Variants in STAP1 observed in about 807,000 individuals in gnomAD.
STAP1 encodes signal transducing adaptor family member 1, also known as signal-transducing adaptor protein 1.
Under a neutral mutation model 37.8 loss-of-function variants are expected in STAP1, and 30 were observed. That is an observed-to-expected ratio of 0.79 (90% CI 0.59 to 1.08). STAP1 has a LOEUF of 1.08. STAP1 is among the 50% of genes least tolerant of loss of function. The pLI, the probability that STAP1 is intolerant of heterozygous loss-of-function variation, is 0.00. For synonymous variants in STAP1, 130 were observed against 116.0 expected (o/e 1.12, Z -0.78); for missense variants, 357 against 349.4 (o/e 1.02, Z -0.17).
chr4:67,585,276 A>G (rs34078542), intron 6 of STAP1, among the ~76,000 whole-genome samples: 61,203 of 151,990 alleles, frequency 0.4, 13,616 homozygotes, highest in Non-Finnish European at 0.52. Flanking sequence ...CAATAAATCT[A>G]TCTACTAATC....
intron 8 of STAP1, among the ~76,000 whole-genome samples, chr4:67,602,002 T>G (rs1728352331): frequency 6.6e-6 from 1 of 152,150 alleles, no homozygotes; most frequent in Non-Finnish European, 1.5e-5. Flanking sequence ...GAGGCTTTTT[T>G]TCAAGATATT....
chr4:67,605,940 C>T (rs1452198848), intron 8 of STAP1, among the ~76,000 whole-genome samples: 1 of 152,072 alleles, frequency 6.6e-6, no homozygotes, highest in Non-Finnish European at 1.5e-5. Context: ...CCTGTTAACC[C>T]ATGTCAGCAT....
intron 7 of STAP1, among the ~76,000 whole-genome samples, chr4:67,592,492 G>A (rs555802764): frequency 6.6e-6 from 1 of 152,222 alleles, no homozygotes; most frequent in South Asian, 2.1e-4. Flanking sequence ...ACCAACTACA[G>A]CTAACTTAAG....
intron 8 of STAP1, among the ~76,000 whole-genome samples, chr4:67,605,246 C>A (rs1462885867): frequency 1.3e-5 from 2 of 152,136 alleles, no homozygotes; most frequent in East Asian, 3.9e-4. Flanking sequence ...CTCCCCTCTG[C>A]CCACCTTTCC....
At chr4:67,590,730 A>T (rs1403552642) in intron 6 of STAP1, among the ~76,000 whole-genome samples, 154 bp from the exon 7 acceptor site, 1 of 150,108 alleles carries the variant, frequency 6.7e-6, no homozygotes, top group Non-Finnish European at 1.5e-5. Flanking sequence ...AACAGAAAAT[A>T]AAAAACCACG....
chr4:67,579,977 T>C (rs1457740710), intron 4 of STAP1, among the ~76,000 whole-genome samples: 1 of 152,138 alleles, frequency 6.6e-6, no homozygotes, highest in Non-Finnish European at 1.5e-5. Flanking sequence ...GCAATCGTCC[T>C]GCCTCAGCCT....
intron 1 of STAP1, among the ~76,000 whole-genome samples, chr4:67,570,196 A>G (rs562314896): frequency 1.3e-5 from 2 of 152,364 alleles, no homozygotes; most frequent in Non-Finnish European, 2.9e-5. Flanking sequence ...ATTAAAAAGT[A>G]TAGTATAGTA....
chr4:67,583,502 G>A, intron 5 of STAP1, 72 bp from the exon 6 acceptor site: 3 of 1,453,094 alleles, frequency 2.1e-6, no homozygotes, highest in Non-Finnish European at 2.8e-6. Flanking sequence ...AGTTATTTTG[G>A]TAGTATTTTT....
At chr4:67,596,829 T>C (rs1728236581) in intron 8 of STAP1, among the ~76,000 whole-genome samples, 1 of 152,226 alleles carries the variant, frequency 6.6e-6, no homozygotes, top group Non-Finnish European at 1.5e-5. Flanking sequence ...GTCATATGCA[T>C]TCACAAAGAG....
At chr4:67,592,903 G>A (rs1728150396) in intron 7 of STAP1, among the ~76,000 whole-genome samples, 1 of 152,124 alleles carries the variant, frequency 6.6e-6, no homozygotes, top group Non-Finnish European at 1.5e-5. Context: ...AGGCTGGTCT[G>A]AAACTCCTGG....
chr4:67,587,237 T>A lies in STAP1; in HGVS notation c.659+3535T>A, dbSNP rs956404892. ...TACCCACAAAACCAATTCATTCTCTTATAGGTTATGGGAGAAATGTTCAGT... is the reference window on the plus strand; with the variant it reads ...TACCCACAAAACCAATTCATTCTCTAATAGGTTATGGGAGAAATGTTCAGT... On this transcript the variant is annotated intron_variant, in intron 6 of 8. Transcript: ENST00000265404. 2.6e-5 allele frequency among the ~76,000 whole-genome samples: 4 copies of A among 152,232 alleles called. No homozygotes were observed. In the South Asian group the frequency reaches 8.3e-4, roughly 31 times the overall value.
chr4:67,602,661 G>C (rs979366782), intron 8 of STAP1, among the ~76,000 whole-genome samples: 1 of 152,198 alleles, frequency 6.6e-6, no homozygotes, highest in African/African-American at 2.4e-5. Flanking sequence ...TGGATTACCA[G>C]GCAGAGACTC....
chr4:67,581,431 C>A lies in STAP1; in HGVS notation c.490C>A (p.Pro164Thr). Residue 164 changes from proline to threonine, a missense_variant, in exon 5 of 9, where the codon CCA becomes ACA. By Grantham distance (38) the Pro-to-Thr change is conservative. Coordinates refer to ENST00000265404, the MANE Select transcript of STAP1 (RefSeq NM_012108.4). The part of the protein sequence containing the change: ...QSTSVEKEKE[P>T]TEDYVDVLNP... ...TACGTCCGTGGAAAAAGAGAAGGAACCAACTGAAGATTATGTGGATGTACT... is the reference window on the plus strand; with the variant it reads ...TACGTCCGTGGAAAAAGAGAAGGAAACAACTGAAGATTATGTGGATGTACT... The A allele has an allele frequency of 6.2e-7, 1 of 1,613,612 alleles. No individual in the cohort carries two copies. Among genetic ancestry groups the A allele is most frequent in the Non-Finnish European group, 8.5e-7 (1 of 1,179,756 alleles).
chr4:67,586,126 G>T (rs1727974747), intron 6 of STAP1, among the ~76,000 whole-genome samples: 1 of 152,092 alleles, frequency 6.6e-6, no homozygotes, highest in Non-Finnish European at 1.5e-5. Flanking sequence ...TATTCTGCAT[G>T]AAATGAACAA....
rs1228385940 is a variant in STAP1 at position 67,565,628 on chromosome 4, G to A, written c.121-5456G>A. ...TTATGAAATACTTGCTATGTCCCAG[G>A]TCTTAGGTGCTTTACACACATACAT... On this transcript the variant is annotated intron_variant, in intron 1 of 8. Transcript: ENST00000265404. 2.0e-5 allele frequency among the ~76,000 whole-genome samples: 3 copies of A among 151,870 alleles called. No individual in the cohort carries two copies. The East Asian group carries it at 5.8e-4, about 29-fold the overall frequency.
chr4:67,558,787 A>G lies in STAP1; in HGVS notation c.-23A>G. 1 of 1,598,372 alleles carries G rather than the reference A, an allele frequency of 6.3e-7. No homozygotes were observed. Among genetic ancestry groups the G allele is most frequent in the Non-Finnish European group, 8.5e-7 (1 of 1,175,082 alleles). ...TCATTTTGTTTGAGACGAGAAACCAAACCACACACCAAAGAGAGGGGTATG... is the reference window on the plus strand; with the variant it reads ...TCATTTTGTTTGAGACGAGAAACCAGACCACACACCAAAGAGAGGGGTATG... On this transcript the variant is annotated 5_prime_UTR_variant, in exon 1 of 9. Transcript: ENST00000265404.
intron 4 of STAP1, 110 bp from the exon 5 acceptor site, chr4:67,581,195 A>T: frequency 9.6e-7 from 1 of 1,045,736 alleles, no homozygotes; most frequent in Non-Finnish European, 1.4e-6. Context: ...CTACTCATTC[A>T]CCTCTGTCAG....
chr4:67,601,080 G>T (rs193135110), intron 8 of STAP1, among the ~76,000 whole-genome samples: 324 of 151,870 alleles, frequency 2.1e-3, no homozygotes, highest in Admixed American at 6.0e-3. Flanking sequence ...TTGTGAAGGT[G>T]ATTTTCTCTG....
At chr4:67,584,720 A>G (rs903358862) in intron 6 of STAP1, among the ~76,000 whole-genome samples, 2 of 152,200 alleles carry the variant, frequency 1.3e-5, no homozygotes, top group Non-Finnish European at 2.9e-5. Context: ...AAGAAAAGAA[A>G]AAGGCTGCTG....
Sources: gnomAD v4.1 joint callset for allele counts (sites outside exome capture counted in the v4.1 genomes callset) on GRCh38, gnomAD v4.1.1 for gene constraint, MANE v1.5 for transcripts, NCBI Gene and HGNC (gene_info 2026-07-23, HGNC 2026-07-21) for gene names.